Variants in OSBPL11 observed in about 807,000 individuals in gnomAD.
OSBPL11 encodes the protein oxysterol binding protein like 11.
OSBPL11 carries 33 observed loss-of-function variants against 84.4 expected under a neutral mutation model. The observed-to-expected ratio is 0.39, with a 90% CI of 0.30 to 0.52. The LOEUF (loss-of-function observed/expected upper bound fraction) is 0.52, where lower values mean the gene tolerates loss of function less well. Among genes scored for constraint, OSBPL11 ranks in the 20% least tolerant of loss-of-function variants. The pLI is 0.72. For synonymous variants in OSBPL11, 276 were observed against 310.2 expected (o/e 0.89, Z 1.16); for missense variants, 736 against 901.1 (o/e 0.82, Z 2.35).
chr3:125,561,603 T>G (rs536059182), intron 7 of OSBPL11, among the ~76,000 whole-genome samples: 2 of 152,224 alleles, frequency 1.3e-5, no homozygotes, highest in African/African-American at 4.8e-5. Context: ...AGTCGTATCA[T>G]GTACCAATCT....
chr3:125,537,776 C>T (rs1580032954), intron 11 of OSBPL11, among the ~76,000 whole-genome samples: 2 of 152,024 alleles, frequency 1.3e-5, no homozygotes, highest in African/African-American at 4.8e-5. Flanking sequence ...AGTCTCTTTC[C>T]TATTCCAGAT....
chr3:125,581,423 C>T (rs1009405676), intron 2 of OSBPL11, among the ~76,000 whole-genome samples: 10 of 150,052 alleles, frequency 6.7e-5, no homozygotes, highest in Admixed American at 2.7e-4. Context: ...AGGCCAGACA[C>T]GGTGGCACAC....
intron 11 of OSBPL11, among the ~76,000 whole-genome samples, chr3:125,534,940 G>C (rs1461468079): frequency 1.8e-5 from 1 of 54,530 alleles, no homozygotes; most frequent in African/African-American, 8.7e-5. Context: ...AGCTTCCATT[G>C]TAAGAAATTA....
chr3:125,530,817 T>A, intron 12 of OSBPL11, among the ~76,000 whole-genome samples: 1 of 152,110 alleles, frequency 6.6e-6, no homozygotes, highest in East Asian at 1.9e-4. Context: ...AACATTTAAT[T>A]TTGCAAGAAC....
chr3:125,530,409 G>A lies in OSBPL11; in HGVS notation c.*106C>T. ...GTACATTCAGGTTTAGCTAGTTTCA[G>A]TCTGCGCAATCAGGAAGCAGGTCAC... On this transcript the variant is annotated 3_prime_UTR_variant, in exon 13 of 13. Transcript: ENST00000296220. The A allele has an allele frequency of 6.8e-6, 7 of 1,023,734 alleles. No homozygotes were observed. Among genetic ancestry groups the A allele is most frequent in the Non-Finnish European group, 1.1e-5 (7 of 655,928 alleles). 63.4% of individuals were successfully genotyped at this position (1,023,734 alleles called of 1,614,324 possible).
chr3:125,583,091 A>G, intron 1 of OSBPL11, 113 bp from the exon 2 acceptor site: 1 of 651,482 alleles, frequency 1.5e-6, no homozygotes, highest in East Asian at 3.1e-5. Flanking sequence ...AAATGCCTCA[A>G]ATTTTATTGA....
At position 125,552,180 on chromosome 3, in the gene OSBPL11, C is replaced by T; in HGVS notation, c.1654+1G>A. 6.6e-7 allele frequency: 1 copy of T among 1,522,152 alleles called. No individual in the cohort carries two copies. Among genetic ancestry groups the T allele is most frequent in the Non-Finnish European group, 8.8e-7 (1 of 1,138,846 alleles). The allele number at this position is 1,522,152 out of a possible 1,614,324, so 94.3% of individuals were successfully genotyped here. ...ATATATAAAATAATTTTTCTACTTA[C>T]CTTCTCCAACCATTGTCACGCCTAT... On this transcript the variant is annotated splice_donor_variant, in intron 9 of 12. Transcript: ENST00000296220. LOFTEE classifies it high-confidence loss of function.
Position 125,578,992 on chromosome 3 carries a change from A to T in OSBPL11, c.457T>A (p.Cys153Ser), listed in dbSNP as rs763430454. 1 of 1,594,306 alleles carries T rather than the reference A, an allele frequency of 6.3e-7. No individual in the cohort carries two copies. The highest frequency in any genetic ancestry group is 1.7e-5 in the Admixed American group (1 of 58,564). Residue 153 changes from cysteine (C) to serine (S), a missense_variant, in exon 4 of 13, where the codon TGT (cysteine) becomes AGT (serine). Transcript: ENST00000296220. ...ATAGCTTCAGTATGATGCTGTGTACATATCTGAAGTCTGCTAACCCAGTGC... is the reference window on the plus strand; with the variant it reads ...ATAGCTTCAGTATGATGCTGTGTACTTATCTGAAGTCTGCTAACCCAGTGC... The part of the protein sequence containing the change: ...RQHWVSRLQI[C>S]TQHHTEAIGK...
chr3:125,545,949 GAA>G, intron 10 of OSBPL11, among the ~76,000 whole-genome samples: 1 of 152,062 alleles, frequency 6.6e-6, no homozygotes, highest in Non-Finnish European at 1.5e-5. Context: ...AAGACATGAA[GAA>G]GACCTTAGTT....
At chr3:125,563,613 A>G in intron 7 of OSBPL11, 85 bp downstream of exon 7, 2 of 1,339,100 alleles carry the variant, frequency 1.5e-6, no homozygotes, top group Non-Finnish European at 2.1e-6. Context: ...GTTGATGTGC[A>G]TGAGCTGACA....
intron 11 of OSBPL11, among the ~76,000 whole-genome samples, chr3:125,536,680 G>A (rs189600246): frequency 2.6e-5 from 4 of 152,162 alleles, no homozygotes; most frequent in Admixed American, 2.6e-4. Flanking sequence ...GAAATTAGAA[G>A]AACCATAGTT....
intron 11 of OSBPL11, among the ~76,000 whole-genome samples, chr3:125,533,577 T>C (rs1204007264): frequency 1.3e-5 from 2 of 152,068 alleles, no homozygotes; most frequent in African/African-American, 4.8e-5. Flanking sequence ...CTAACACATT[T>C]CTGAAAATCA....
intron 8 of OSBPL11, 33 bp downstream of exon 8, chr3:125,560,344 AAC>A (rs1368014416): frequency 2.6e-5 from 38 of 1,475,542 alleles, no homozygotes; most frequent in Non-Finnish European, 3.4e-5. Flanking sequence ...TACAGCCCTT[AAC>A]AATCTCCATA....
intron 1 of OSBPL11, among the ~76,000 whole-genome samples, chr3:125,586,204 G>C (rs1318770435): frequency 6.6e-6 from 1 of 152,132 alleles, no homozygotes; most frequent in Non-Finnish European, 1.5e-5. Flanking sequence ...ATACTATTTT[G>C]TGTTCTATAA....
At chr3:125,564,731 T>C (rs1936130645) in intron 6 of OSBPL11, among the ~76,000 whole-genome samples, 1 of 151,666 alleles carries the variant, frequency 6.6e-6, no homozygotes, top group African/African-American at 2.4e-5. Context: ...CTCAGCTCAC[T>C]GCAACCTCCA....
At chr3:125,550,593 G>A (rs542219396) in intron 9 of OSBPL11, among the ~76,000 whole-genome samples, 1 of 152,220 alleles carries the variant, frequency 6.6e-6, no homozygotes, top group East Asian at 1.9e-4. Flanking sequence ...GCTTAATGAT[G>A]CCATGCTTAC....
chr3:125,578,877 A>T, intron 4 of OSBPL11, 83 bp downstream of exon 4: 1 of 775,684 alleles, frequency 1.3e-6, no homozygotes, highest in Non-Finnish European at 2.0e-6. Flanking sequence ...GTATATGAAT[A>T]GTATCTCAAT....
Position 125,590,554 on chromosome 3 carries a change from CA to C in OSBPL11, c.164+4082del, listed in dbSNP as rs141030963. 2.9e-4 allele frequency among the ~76,000 whole-genome samples: 44 copies of C among 149,746 alleles called. No individual in the cohort carries two copies. The East Asian group carries it at 7.8e-3, about 26-fold the overall frequency. On this transcript the variant is annotated intron_variant, in intron 1 of 12. Transcript: ENST00000296220. The stretch of plus-strand genomic sequence containing the variant: ...TGCACAAGAGGACCAGACTCTGTCT[CA>C]AAAAAAAAATTTTTTTTTTCAAAAG...
At chr3:125,545,090 G>A (rs1439287592) in intron 10 of OSBPL11, among the ~76,000 whole-genome samples, 2 of 152,128 alleles carry the variant, frequency 1.3e-5, no homozygotes, top group African/African-American at 2.4e-5. Flanking sequence ...ATATTTTACT[G>A]ACTGAAAGTT....
Sources: allele counts gnomAD v4.1 joint callset (sites outside exome capture counted in the v4.1 genomes callset), GRCh38; gene constraint gnomAD v4.1.1; transcripts MANE v1.5; gene names NCBI Gene and HGNC (gene_info 2026-07-23, HGNC 2026-07-21).